The following INO80 variants were observed in gnomAD, a reference collection of about 807,000 sequenced individuals.
INO80 encodes INO80 complex ATPase subunit, also known as chromatin-remodeling ATPase INO80.
A neutral mutation model predicts 203.4 loss-of-function variants in INO80; 20 were observed. The ratio of observed to expected loss-of-function variants is 0.10; its 90% CI spans 0.07 to 0.14. The LOEUF (loss-of-function observed/expected upper bound fraction) is 0.14, where lower values mean the gene tolerates loss of function less well. Among genes scored for constraint, INO80 ranks in the 10% least tolerant of loss-of-function variants. INO80 has a pLI of 1.00. For missense variants in INO80, 1,419 were observed against 1,914.4 expected (o/e 0.74, Z 4.83); for synonymous variants, 726 against 685.2 (o/e 1.06, Z -0.93).
At chr15:41,037,711 G>A (rs1195808898) in intron 24 of INO80, among the ~76,000 whole-genome samples, 1 of 151,722 alleles carries the variant, frequency 6.6e-6, no homozygotes, top group East Asian at 2.0e-4. Context: ...GAAAGGCCGA[G>A]GCGAGAGGAT....
chr15:41,023,566 C>T (rs1566915027), intron 25 of INO80, among the ~76,000 whole-genome samples: 1 of 151,812 alleles, frequency 6.6e-6, no homozygotes, highest in South Asian at 2.1e-4. Context: ...GTCAGGAGTT[C>T]GAGACTGGCC....
At chr15:41,059,442 G>A (rs887018209) in intron 15 of INO80, among the ~76,000 whole-genome samples, 1 of 150,894 alleles carries the variant, frequency 6.6e-6, no homozygotes, top group Admixed American at 6.6e-5. Flanking sequence ...CTGGGCAACA[G>A]GTTGAAACCA....
At chr15:41,047,014 C>A (rs979112332) in intron 23 of INO80, among the ~76,000 whole-genome samples, 1 of 150,888 alleles carries the variant, frequency 6.6e-6, no homozygotes, top group Non-Finnish European at 1.5e-5. Context: ...CTGATCCAGG[C>A]TGGAGTGCAA....
At chr15:41,007,182 C>A (rs111630735) in intron 27 of INO80, among the ~76,000 whole-genome samples, 1 of 119,308 alleles carries the variant, frequency 8.4e-6, no homozygotes. Context: ...TTTTTTTTTT[C>A]TTTTTTTTTT....
At chr15:41,077,554 CA>C (rs2045424499) in intron 9 of INO80, among the ~76,000 whole-genome samples, 1 of 152,062 alleles carries the variant, frequency 6.6e-6, no homozygotes, top group Middle Eastern at 3.2e-3. Context: ...AAAGTGCTAT[CA>C]AGAAAATCTT....
intron 7 of INO80, among the ~76,000 whole-genome samples, chr15:41,083,763 A>AAT (rs1281646240): frequency 1.3e-5 from 2 of 152,120 alleles, no homozygotes; most frequent in Non-Finnish European, 2.9e-5. Context: ...CCATAGTTTA[A>AAT]AAAGTGTCAT....
intron 24 of INO80, among the ~76,000 whole-genome samples, chr15:41,031,988 C>CACAGG (rs2044487193): frequency 3.8e-5 from 3 of 78,350 alleles, no homozygotes; most frequent in Non-Finnish European, 8.6e-5. Context: ...CACAGCACAG[C>CACAGG]ACAGCACAGG....
intron 25 of INO80, chr15:41,024,355 C>G (rs963319412): frequency 1.3e-5 from 2 of 152,326 alleles, no homozygotes; most frequent in African/African-American, 4.8e-5. Flanking sequence ...TCTAAGTCAG[C>G]TGTATCCCAG....
intron 8 of INO80, among the ~76,000 whole-genome samples, chr15:41,080,659 C>G (rs989166307): frequency 6.6e-6 from 1 of 152,236 alleles, no homozygotes; most frequent in Admixed American, 6.5e-5. Context: ...AGTTCAAGAC[C>G]AGCCTGGCCA....
chr15:41,054,058 C>T, intron 18 of INO80, 44 bp from the exon 19 acceptor site: 3 of 1,492,182 alleles, frequency 2.0e-6, no homozygotes, highest in Non-Finnish European at 2.8e-6. Flanking sequence ...ATAGTGATTT[C>T]ACAAAAACAA....
Position 41,058,676 on chromosome 15 carries a change from C to T in INO80, c.1948G>A (p.Val650Ile). ...YFQRVKWQYMVLDEAQALKSS... is the reference protein window; with the variant it reads ...YFQRVKWQYMILDEAQALKSS... ...TTGAGCGCCTGAGCCTCATCCAGTA[C>T]CATGTATTGCCACTTGACCCGCTGG... The change falls in exon 16 of 36, where the codon GTA (valine) becomes ATA (isoleucine). Residue 650 changes from valine (V) to isoleucine (I), a missense_variant. This residue lies in a region of INO80 where 192 missense variants were observed against 406.7 expected (regional missense o/e 0.47). Coordinates refer to ENST00000648947, the MANE Select transcript of INO80 (RefSeq NM_017553.3). 1 of 1,613,674 alleles carries T rather than the reference C, an allele frequency of 6.2e-7. No homozygotes were observed. Among genetic ancestry groups the T allele is most frequent in the Non-Finnish European group, 8.5e-7 (1 of 1,179,894 alleles).
At chr15:41,057,461 C>CAAA (rs34940669) in intron 16 of INO80, among the ~76,000 whole-genome samples, 156 of 117,896 alleles carry the variant, frequency 1.3e-3, no homozygotes, top group African/African-American at 4.5e-3. Flanking sequence ...TCCCCTGTCT[C>CAAA]AAAAAAAAAA....
rs1360402901 is a variant in INO80 at position 41,069,658 on chromosome 15, TTC to T, written c.1692_1693del (p.Asn565HisfsTer15). On this transcript the variant is annotated frameshift_variant, in exon 14 of 36. Transcript: ENST00000648947. LOFTEE classifies it high-confidence loss of function. ...AATTATTAAGAAAGGTCCCCAAATG[TTC>T]TCTCTCTGCAACAGAAAAACCCAGT... 1.9e-6 allele frequency: 3 copies of T among 1,603,280 alleles called. No homozygotes were observed. The highest frequency in any genetic ancestry group is 2.2e-5 in the South Asian group (2 of 89,730).
rs368535813 is a variant in INO80 at position 41,051,128 on chromosome 15, C to CAAAAAAAAAAAAAAAAAAAAA, written c.2275-1027_2275-1026insTTTTTTTTTTTTTTTTTTTTT. Among the ~76,000 whole-genome samples, 30 of 78,452 alleles carry CAAAAAAAAAAAAAAAAAAAAA rather than the reference C, an allele frequency of 3.8e-4. 2 individuals are homozygous for CAAAAAAAAAAAAAAAAAAAAA. Among genetic ancestry groups the CAAAAAAAAAAAAAAAAAAAAA allele is most frequent in the Non-Finnish European group, 5.1e-4 (22 of 43,274 alleles). 51.5% of individuals were successfully genotyped at this position (78,452 alleles called of 152,430 possible). On this transcript the variant is annotated intron_variant, in intron 19 of 35. Coordinates refer to ENST00000648947, the MANE Select transcript of INO80 (RefSeq NM_017553.3). ...TGGGTGACAGAATGAGACTCCATCTCAAAAAAAAAAAAAAAGAAAGTTCTC... is the reference window on the plus strand; with the variant it reads ...TGGGTGACAGAATGAGACTCCATCTCAAAAAAAAAAAAAAAAAAAAAAAAAAAAAAAAAAAAGAAAGTTCTC...
Position 41,060,098 on chromosome 15 carries a change from G to GAC in INO80, c.1783-174_1783-173dup, listed in dbSNP as rs1026758518. On this transcript the variant is annotated intron_variant, in intron 14 of 35. Coordinates refer to ENST00000648947, the MANE Select transcript of INO80 (RefSeq NM_017553.3). ...ACCAACCCTGTTGTCCAAATAGAAA[G>GAC]ACACACACACAATTCATTTGTCTGA... 2.6e-5 allele frequency among the ~76,000 whole-genome samples: 4 copies of GAC among 152,282 alleles called. No homozygotes were observed. The South Asian group carries it at 6.2e-4, about 24-fold the overall frequency.
chr15:41,103,441 G>A (rs1261070873), intron 1 of INO80, among the ~76,000 whole-genome samples: 1 of 152,140 alleles, frequency 6.6e-6, no homozygotes. Context: ...CCAGGGTGGA[G>A]TCCAGTGGCG....
chr15:40,981,140 T>C (rs1247733034), intron 35 of INO80, among the ~76,000 whole-genome samples: 2 of 152,256 alleles, frequency 1.3e-5, no homozygotes, highest in Non-Finnish European at 2.9e-5. Context: ...AAAAGAATTC[T>C]AAGTGCTTGA....
intron 4 of INO80, 63 bp downstream of exon 4, chr15:41,095,538 T>C (rs2045709760): frequency 8.7e-7 from 1 of 1,148,098 alleles, no homozygotes. Flanking sequence ...GTTGATAACT[T>C]TCCCATCTAT....
intron 5 of INO80, 106 bp downstream of exon 5, chr15:41,091,914 AGTGCTGG>A: frequency 1.2e-6 from 1 of 800,118 alleles, no homozygotes; most frequent in Non-Finnish European, 1.9e-6. Flanking sequence ...GTCCTCCCAA[AGTGCTGG>A]GATTATAGGT....
Sources: allele counts gnomAD v4.1 joint callset (sites outside exome capture counted in the v4.1 genomes callset), GRCh38; gene constraint gnomAD v4.1.1; regional missense constraint gnomAD v4.1.1; transcripts MANE v1.5; gene names NCBI Gene and HGNC (gene_info 2026-07-23, HGNC 2026-07-21).